TMEM71: variants seen among roughly 807,000 people sequenced by gnomAD.
TMEM71 encodes the protein transmembrane protein 71.
Under a neutral mutation model 38.0 loss-of-function variants are expected in TMEM71, and 44 were observed. That is an observed-to-expected ratio of 1.16 (90% confidence interval 0.91 to 1.49). The LOEUF (loss-of-function observed/expected upper bound fraction) is 1.49, where lower values mean the gene tolerates loss of function less well. Ranked by LOEUF, TMEM71 falls within the 40% of genes most tolerant of loss-of-function variation. TMEM71 has a pLI of 0.00. For missense variants in TMEM71, 367 were observed against 348.6 expected (o/e 1.05, Z -0.42); for synonymous variants, 133 against 122.5 (o/e 1.09, Z -0.56).
At chr8:132,764,620 C>G (rs1244401103), upstream of TMEM71, among the ~76,000 whole-genome samples, 1 of 152,188 alleles carries the variant, frequency 6.6e-6, no homozygotes, top group Non-Finnish European at 1.5e-5. Flanking sequence ...GCTTCTCTAG[C>G]TTTGCTCCAC....
intron 3 of TMEM71, among the ~76,000 whole-genome samples, chr8:132,755,819 A>G (rs1247859332): frequency 6.6e-6 from 1 of 152,186 alleles, no homozygotes; most frequent in African/African-American, 2.4e-5. Flanking sequence ...TTTGCCCTTT[A>G]TCTACTCTTC....
chr8:132,749,696 T>C (rs561553821), intron 4 of TMEM71, among the ~76,000 whole-genome samples: 1 of 152,256 alleles, frequency 6.6e-6, no homozygotes, highest in East Asian at 1.9e-4. Context: ...GCTAGAACAC[T>C]CATGCTGGAC....
At chr8:132,726,062 G>C (rs1452619567) in intron 6 of TMEM71, among the ~76,000 whole-genome samples, 1 of 152,166 alleles carries the variant, frequency 6.6e-6, no homozygotes, top group East Asian at 1.9e-4. Flanking sequence ...CAATGACCTA[G>C]TGCTTATCTT....
At chr8:132,744,567 T>C (rs1413634261) in intron 5 of TMEM71, among the ~76,000 whole-genome samples, 3 of 152,240 alleles carry the variant, frequency 2.0e-5, no homozygotes. Context: ...CTCATGCTCA[T>C]GGATTGGAAG....
intron 1 of TMEM71, chr8:132,759,517 T>C (rs1349779362): frequency 6.6e-6 from 1 of 152,348 alleles, no homozygotes; most frequent in Non-Finnish European, 1.5e-5. Context: ...TTAGTTCCCA[T>C]GAAGACATGA....
intron 5 of TMEM71, among the ~76,000 whole-genome samples, chr8:132,741,464 T>C (rs1469593451): frequency 6.6e-6 from 1 of 152,084 alleles, no homozygotes; most frequent in Non-Finnish European, 1.5e-5. Flanking sequence ...TGGCCCCGAA[T>C]GTCTGGCTGT....
At chr8:132,737,802 T>C (rs1311730049) in intron 5 of TMEM71, among the ~76,000 whole-genome samples, 1 of 152,222 alleles carries the variant, frequency 6.6e-6, no homozygotes, top group African/African-American at 2.4e-5. Context: ...TTCTTCTCAT[T>C]CACTTGTTTT....
downstream of TMEM71, among the ~76,000 whole-genome samples, chr8:132,709,020 T>C (rs12707954): frequency 0.56 from 85,725 of 152,138 alleles, 27,042 homozygotes; most frequent in African/African-American, 0.86. Flanking sequence ...ATAGTAAGCT[T>C]ATACAGCCGG....
rs2131063448 is a variant in TMEM71, at chr8:132,727,820, T to C, written c.654A>G (p.Gln218=). 3.1e-6 allele frequency: 5 copies of C among 1,612,492 alleles called. No homozygotes were observed. The highest frequency in any genetic ancestry group is 4.2e-6 in the Non-Finnish European group (5 of 1,179,250). Residue 218 remains glutamine, a synonymous_variant, in exon 6 of 10, where the codon CAA becomes CAG. Transcript: ENST00000677595. ...QSQLTASERF[Q]ENSSDHSETR... is the part of the protein sequence containing the mutation. ...CACCTGAATGATCCGAACTATTCTC[T>C]TGGAAACGTTCAGAAGCTGTCAACT... is the stretch of plus-strand genomic sequence containing the variant.
At chr8:132,706,216 T>C (rs1308694660), downstream of TMEM71, among the ~76,000 whole-genome samples, 1 of 152,138 alleles carries the variant, frequency 6.6e-6, no homozygotes, top group East Asian at 1.9e-4. Context: ...GAATCTACAG[T>C]ATTTTCTTAT....
At position 132,757,324 on chromosome 8, in the gene TMEM71, T is replaced by C. The variant is rs555278198; in HGVS notation, c.41-30A>G. 2.8e-5 allele frequency: 43 copies of C among 1,522,812 alleles called. No individual in the cohort carries two copies. In the South Asian group the frequency reaches 4.5e-4, roughly 16 times the overall value. 94.3% of individuals were successfully genotyped at this position (1,522,812 alleles called of 1,614,324 possible). On this transcript the variant is annotated intron_variant, in intron 2 of 9. Coordinates refer to ENST00000677595, the MANE Select transcript of TMEM71 (RefSeq NM_001382403.1). ...ATAAACAAATGAGAGAGAAGTAGAA[T>C]GTATCATACCTGATCAACAGTTACA...
At chr8:132,708,587 A>G (rs1430339718), downstream of TMEM71, among the ~76,000 whole-genome samples, 1 of 152,214 alleles carries the variant, frequency 6.6e-6, no homozygotes, top group Non-Finnish European at 1.5e-5. Flanking sequence ...CCGGCCTCTC[A>G]TCTGAAGCTT....
At chr8:132,733,867 C>G (rs1827596535) in intron 5 of TMEM71, among the ~76,000 whole-genome samples, 2 of 152,056 alleles carry the variant, frequency 1.3e-5, no homozygotes, top group African/African-American at 4.8e-5. Context: ...ATGGATAAAC[C>G]TGGAGCACAG....
chr8:132,775,743 C>T, the TMEM71 span: 1 of 278,498 alleles, frequency 3.6e-6, no homozygotes. Flanking sequence ...GCCCGCTCCC[C>T]TCCCGCCTCC....
chr8:132,728,025 T>A (rs1827250685), intron 5 of TMEM71, 39 bp from the exon 6 acceptor site: 1 of 1,338,712 alleles, frequency 7.5e-7, no homozygotes, highest in Non-Finnish European at 1.0e-6. Flanking sequence ...TGTGTGTGTG[T>A]GTGTGTGTGT....
chr8:132,739,798 A>G (rs905794457), intron 5 of TMEM71, among the ~76,000 whole-genome samples: 5 of 152,234 alleles, frequency 3.3e-5, no homozygotes, highest in Non-Finnish European at 7.3e-5. Flanking sequence ...AGTGCTCAGC[A>G]TGGAATAAGC....
At chr8:132,725,941 G>T (rs1827119585) in intron 6 of TMEM71, among the ~76,000 whole-genome samples, 1 of 152,180 alleles carries the variant, frequency 6.6e-6, no homozygotes, top group South Asian at 2.1e-4. Flanking sequence ...TTACCTGTCT[G>T]AATCTGAATA....
chr8:132,743,843 C>G (rs1366209231), intron 5 of TMEM71, among the ~76,000 whole-genome samples: 1 of 152,178 alleles, frequency 6.6e-6, no homozygotes, highest in East Asian at 1.9e-4. Flanking sequence ...CCAAGCACGT[C>G]TACTCACTAG....
intron 5 of TMEM71, among the ~76,000 whole-genome samples, chr8:132,741,522 G>A (rs1018845947): frequency 6.6e-6 from 1 of 151,864 alleles, no homozygotes; most frequent in East Asian, 1.9e-4. Flanking sequence ...TAAAGAGTGT[G>A]AGTCATCTCC....
Sources: gnomAD v4.1 joint callset for allele counts (sites outside exome capture counted in the v4.1 genomes callset) on GRCh38, gnomAD v4.1.1 for gene constraint, MANE v1.5 for transcripts, NCBI Gene and HGNC (gene_info 2026-07-23, HGNC 2026-07-21) for gene names.